Variants in MECOM observed in about 807,000 individuals in gnomAD.
MECOM encodes the protein MDS1 and EVI1 complex locus.
MECOM carries 13 observed loss-of-function variants against 116.3 expected under a neutral mutation model. The observed-to-expected ratio is 0.11, with a 90% confidence interval of 0.07 to 0.18. The LOEUF (loss-of-function observed/expected upper bound fraction) is 0.18, where lower values mean the gene tolerates loss of function less well. Among genes scored for constraint, MECOM ranks in the 10% least tolerant of loss-of-function variants. MECOM has a pLI of 1.00. For missense variants in MECOM, 1,299 were observed against 1,509.0 expected (o/e 0.86, Z 2.31); for synonymous variants, 528 against 535.2 (o/e 0.99, Z 0.19).
At chr3:169,346,790 C>T (rs1305135012) in intron 2 of MECOM, among the ~76,000 whole-genome samples, 1 of 151,976 alleles carries the variant, frequency 6.6e-6, no homozygotes, top group Non-Finnish European at 1.5e-5. Context: ...CTTCTATATG[C>T]TGCTCTCAGC....
At chr3:169,498,372 T>C (rs750656660) in intron 1 of MECOM, among the ~76,000 whole-genome samples, 9 of 152,156 alleles carry the variant, frequency 5.9e-5, no homozygotes, top group Non-Finnish European at 1.2e-4. Context: ...TTTTAAAATA[T>C]ATGAAAGTGA....
chr3:169,219,394 G>C (rs1404410923), intron 2 of MECOM, among the ~76,000 whole-genome samples: 4 of 152,092 alleles, frequency 2.6e-5, no homozygotes, highest in Non-Finnish European at 4.4e-5. Context: ...GTAGTCCCAG[G>C]TACTCGGGAG....
chr3:169,278,586 A>G (rs1759898088), intron 2 of MECOM, among the ~76,000 whole-genome samples: 1 of 152,218 alleles, frequency 6.6e-6, no homozygotes. Flanking sequence ...GGTTAGCTGG[A>G]AAGTTTTATC....
At chr3:169,595,064 C>A (rs1162797207) in intron 1 of MECOM, among the ~76,000 whole-genome samples, 1 of 151,986 alleles carries the variant, frequency 6.6e-6, no homozygotes, top group Non-Finnish European at 1.5e-5. Context: ...GGTGAATTTT[C>A]TTTATTTTCT....
rs941988486 is a variant in MECOM, at chr3:169,143,804, A to G, written c.404T>C (p.Phe135Ser). ...EILDEFYNVK[F>S]CIDASQPDVG... Reference sequence around the variant, plus strand: ...ATCTGGTTGACTGGCATCTATGCAGAACTTCACATTGTAAAATTCGTCTAA... The same window carrying G: ...ATCTGGTTGACTGGCATCTATGCAGGACTTCACATTGTAAAATTCGTCTAA... The change falls in exon 3 of 17, where the codon TTC becomes TCC. Residue 135 changes from phenylalanine to serine, a missense_variant. Around this residue, in one of 6 missense-constraint regions of MECOM, gnomAD observed 374 missense variants for 433.4 expected, o/e 0.86. Transcript: ENST00000651503. The G allele has an allele frequency of 6.2e-7, 1 of 1,608,664 alleles. No individual in the cohort carries two copies. Among genetic ancestry groups the G allele is most frequent in the Admixed American group, 1.7e-5 (1 of 59,132 alleles).
chr3:169,527,519 G>A (rs1306424455), intron 1 of MECOM, among the ~76,000 whole-genome samples: 1 of 152,154 alleles, frequency 6.6e-6, no homozygotes, highest in African/African-American at 2.4e-5. Context: ...TTTACATACG[G>A]TGCATAATTA....
chr3:169,316,918 C>G (rs1719844055), intron 2 of MECOM, among the ~76,000 whole-genome samples: 1 of 152,148 alleles, frequency 6.6e-6, no homozygotes, highest in Non-Finnish European at 1.5e-5. Flanking sequence ...AAATCCTGCC[C>G]ATTATTCCTC....
At position 169,219,720 on chromosome 3, in the gene MECOM, G is replaced by A. The variant is rs1384186463; in HGVS notation, c.376-75888C>T. Among the ~76,000 whole-genome samples, 3 of 151,238 alleles carry A rather than the reference G, an allele frequency of 2.0e-5. No individual in the cohort carries two copies. The East Asian group carries it at 5.8e-4, about 29-fold the overall frequency. On this transcript the variant is annotated intron_variant, in intron 2 of 16. Coordinates refer to ENST00000651503, the MANE Select transcript of MECOM (RefSeq NM_004991.4). ...TCACACTTGCATGCCCAAATCCACT[G>A]TCATCATAAATTTAAATTACATATA...
chr3:169,611,337 T>C lies in MECOM; in HGVS notation c.37+51999A>G, dbSNP rs1045493442. On this transcript the variant is annotated intron_variant, in intron 1 of 16. Coordinates refer to ENST00000651503, the MANE Select transcript of MECOM (RefSeq NM_004991.4). The surrounding 1 kb of genome is among the most constrained non-coding windows in gnomAD (Gnocchi z 4.1). Reference sequence around the variant, plus strand: ...ACAGGCCTTGTACTTCTGCCTCAGCTGACTTGTCTGTGGGATCCTGCAGCT... The same window carrying C: ...ACAGGCCTTGTACTTCTGCCTCAGCCGACTTGTCTGTGGGATCCTGCAGCT... Among the ~76,000 whole-genome samples the C allele has an allele frequency of 6.6e-6, 1 of 152,238 alleles. No homozygotes were observed. Among genetic ancestry groups the C allele is most frequent in the Non-Finnish European group, 1.5e-5 (1 of 68,036 alleles).
chr3:169,187,110 C>G, intron 2 of MECOM, among the ~76,000 whole-genome samples: 1 of 152,146 alleles, frequency 6.6e-6, no homozygotes, highest in East Asian at 1.9e-4. Flanking sequence ...TGGAATCCAG[C>G]ACACATTATG....
intron 2 of MECOM, among the ~76,000 whole-genome samples, chr3:169,372,876 G>A (rs1730378251): frequency 6.6e-6 from 1 of 151,928 alleles, no homozygotes; most frequent in Admixed American, 6.6e-5. Context: ...CAAGCCCACA[G>A]GACCCCTGAG....
At chr3:169,398,430 C>T (rs1735340162) in intron 1 of MECOM, among the ~76,000 whole-genome samples, 1 of 152,182 alleles carries the variant, frequency 6.6e-6, no homozygotes, top group South Asian at 2.1e-4. Flanking sequence ...CTAAATTTAT[C>T]TCCCAATAAT....
chr3:169,311,460 C>G (rs1374117611), intron 2 of MECOM, among the ~76,000 whole-genome samples: 1 of 152,156 alleles, frequency 6.6e-6, no homozygotes, highest in African/African-American at 2.4e-5. Context: ...AAATCAAAAA[C>G]ACTTCCCCAA....
intron 2 of MECOM, among the ~76,000 whole-genome samples, chr3:169,192,772 A>G (rs1390428416): frequency 6.6e-6 from 1 of 152,078 alleles, no homozygotes; most frequent in African/African-American, 2.4e-5. Context: ...GCGACCTGTG[A>G]AACTTGCATA....
intron 1 of MECOM, among the ~76,000 whole-genome samples, chr3:169,550,791 C>T (rs954752052): frequency 1.4e-5 from 2 of 143,764 alleles, no homozygotes; most frequent in East Asian, 2.0e-4. Flanking sequence ...CAAATGTGGT[C>T]TTTATAAATG....
chr3:169,538,600 C>T (rs375614899), intron 1 of MECOM, among the ~76,000 whole-genome samples: 15 of 152,282 alleles, frequency 9.9e-5, no homozygotes, highest in South Asian at 4.2e-4. Context: ...CAACTGAATT[C>T]GAATCACAAT....
intron 1 of MECOM, among the ~76,000 whole-genome samples, chr3:169,508,920 C>T (rs780965651): frequency 2.0e-5 from 3 of 152,126 alleles, no homozygotes; most frequent in Admixed American, 6.5e-5. Flanking sequence ...ATAAGTGTGA[C>T]GCTATAGTCA....
rs147323296 is a variant in MECOM at position 169,318,883 on chromosome 3, G to A, written c.375+62304C>T. Among the ~76,000 whole-genome samples, 1,193 of 152,236 alleles carry A rather than the reference G, an allele frequency of 7.8e-3. 14 individuals carry two copies. The highest frequency in any genetic ancestry group is 0.028 in the African/African-American group (1,145 of 41,534). On this transcript the variant is annotated intron_variant, in intron 2 of 16. Coordinates refer to ENST00000651503, the MANE Select transcript of MECOM (RefSeq NM_004991.4). ...AGAGGCCTAGGCAGGTGGATCACCT[G>A]AGGTCAGGAGTTCGAGACCAGCCTG...
intron 9 of MECOM, among the ~76,000 whole-genome samples, chr3:169,110,271 C>G (rs1375461149): frequency 6.6e-6 from 1 of 152,042 alleles, no homozygotes; most frequent in Non-Finnish European, 1.5e-5. Context: ...CATGGCATGG[C>G]CCTGGCAAAG....
Sources: allele counts gnomAD v4.1 joint callset (sites outside exome capture counted in the v4.1 genomes callset), GRCh38; gene constraint gnomAD v4.1.1; regional missense constraint gnomAD v4.1.1; non-coding constraint Gnocchi (gnomAD v3.1); transcripts MANE v1.5; gene names NCBI Gene and HGNC (gene_info 2026-07-23, HGNC 2026-07-21).